Variants in COL24A1 observed in about 807,000 individuals in gnomAD.
COL24A1 encodes the protein collagen type XXIV alpha 1 chain.
COL24A1 carries 224 observed loss-of-function variants against 253.9 expected under a neutral mutation model. The observed-to-expected ratio is 0.88, with a 90% CI of 0.79 to 0.99. The LOEUF is 0.99. Ranked by LOEUF, COL24A1 falls within the 50% of genes least tolerant of loss-of-function variation. The pLI, the probability that COL24A1 is intolerant of heterozygous loss-of-function variation, is 0.00. For missense variants in COL24A1, 2,131 were observed against 2,068.5 expected (o/e 1.03, Z -0.59); for synonymous variants, 685 against 673.7 (o/e 1.02, Z -0.26).
chr1:86,126,165 G>A lies in COL24A1; in HGVS notation c.171C>T (p.His57=). ...ATGGTACAGCAGTCGCTGGTGATGAGTGTCTTACGTCTTTGCCTCCAAGGC... is the reference window on the plus strand; with the variant it reads ...ATGGTACAGCAGTCGCTGGTGATGAATGTCTTACGTCTTTGCCTCCAAGGC... The part of the protein sequence containing the change: ...QLGLGGKDVR[H]SSPATAVPSA... The change falls in exon 3 of 60, where the codon CAC becomes CAT. Residue 57 remains histidine (H), a synonymous_variant. Transcript: ENST00000370571. 1 of 1,607,116 alleles carries A rather than the reference G, an allele frequency of 6.2e-7. No individual in the cohort carries two copies. Among genetic ancestry groups the A allele is most frequent in the Non-Finnish European group, 8.5e-7 (1 of 1,179,516 alleles).
chr1:85,766,336 T>C (rs1158150841), intron 53 of COL24A1, among the ~76,000 whole-genome samples: 1 of 121,398 alleles, frequency 8.2e-6, no homozygotes, highest in Non-Finnish European at 1.6e-5. Flanking sequence ...GCCACTGCAC[T>C]CCAGCCTATG....
chr1:85,885,395 A>ATTTT (rs200199982), intron 32 of COL24A1, among the ~76,000 whole-genome samples: 8 of 120,212 alleles, frequency 6.7e-5, no homozygotes, highest in African/African-American at 1.6e-4. Flanking sequence ...ATATATATAT[A>ATTTT]TATTTTTTTT....
intron 19 of COL24A1, 88 bp from the exon 20 acceptor site, chr1:85,987,742 T>A: frequency 8.9e-7 from 1 of 1,128,924 alleles, no homozygotes; most frequent in Non-Finnish European, 1.3e-6. Context: ...TATTCCTCCA[T>A]ATCCAGTTAA....
At chr1:86,081,839 T>C (rs1414887046) in intron 7 of COL24A1, among the ~76,000 whole-genome samples, 1 of 152,156 alleles carries the variant, frequency 6.6e-6, no homozygotes, top group African/African-American at 2.4e-5. Context: ...CCAAAATATA[T>C]GTATATTGGA....
At chr1:86,111,773 A>G (rs1200295689) in intron 5 of COL24A1, among the ~76,000 whole-genome samples, 1 of 152,178 alleles carries the variant, frequency 6.6e-6, no homozygotes, top group Non-Finnish European at 1.5e-5. Flanking sequence ...CAGCGAGACC[A>G]CGAACCCACC....
chr1:85,890,280 C>A (rs373476517), intron 31 of COL24A1, among the ~76,000 whole-genome samples: 1 of 152,092 alleles, frequency 6.6e-6, no homozygotes, highest in East Asian at 1.9e-4. Flanking sequence ...ACTGATAGAT[C>A]ATATGGTAAT....
chr1:86,119,541 C>T (rs1706507877), intron 3 of COL24A1, among the ~76,000 whole-genome samples: 1 of 152,140 alleles, frequency 6.6e-6, no homozygotes, highest in Non-Finnish European at 1.5e-5. Flanking sequence ...CCCCCTATCA[C>T]TTCTGAGACA....
chr1:85,860,903 T>A (rs1037830324), intron 37 of COL24A1, among the ~76,000 whole-genome samples: 3 of 152,264 alleles, frequency 2.0e-5, no homozygotes, highest in Non-Finnish European at 4.4e-5. Context: ...ATTTATTAAT[T>A]CATCAGGTGA....
At chr1:85,809,770 C>G (rs1391921545) in intron 47 of COL24A1, among the ~76,000 whole-genome samples, 1 of 147,488 alleles carries the variant, frequency 6.8e-6, no homozygotes, top group South Asian at 2.1e-4. Flanking sequence ...TACACACACA[C>G]ATATATATAG....
rs550936254 is a variant in COL24A1, at chr1:86,023,334, T to C, written c.2050-327A>G. Among the ~76,000 whole-genome samples the C allele has an allele frequency of 3.2e-4, 49 of 152,320 alleles. No homozygotes were observed. The South Asian group carries it at 9.7e-3, about 30-fold the overall frequency. ...TAGATGAGACCTTTAAAAAATATTTTAGTGCCATATTCCCAGGAACTAGTC... is the reference window on the plus strand; with the variant it reads ...TAGATGAGACCTTTAAAAAATATTTCAGTGCCATATTCCCAGGAACTAGTC... On this transcript the variant is annotated intron_variant, in intron 14 of 59. Transcript: ENST00000370571.
chr1:85,896,330 A>G, intron 29 of COL24A1, 26 bp downstream of exon 29: 13 of 1,599,284 alleles, frequency 8.1e-6, no homozygotes, highest in Non-Finnish European at 1.1e-5. Context: ...TTAACTACAT[A>G]TGAAATGAGA....
chr1:86,155,578 A>T (rs1342282697), intron 1 of COL24A1: 1 of 152,274 alleles, frequency 6.6e-6, no homozygotes, highest in Non-Finnish European at 1.5e-5. Context: ...ACAGCGCCCA[A>T]AGGGGAGGTG....
intron 24 of COL24A1, among the ~76,000 whole-genome samples, chr1:85,921,710 G>T (rs1571225402): frequency 6.6e-6 from 1 of 152,140 alleles, no homozygotes; most frequent in African/African-American, 2.4e-5. Flanking sequence ...CACAAAGATG[G>T]GGAGAAACCA....
intron 24 of COL24A1, 51 bp from the exon 25 acceptor site, chr1:85,911,484 G>T: frequency 7.3e-7 from 1 of 1,377,196 alleles, no homozygotes; most frequent in Non-Finnish European, 1.0e-6. Flanking sequence ...TATTGCTATT[G>T]TAGTGCCTGG....
At chr1:86,017,388 T>C (rs1241926713) in intron 18 of COL24A1, among the ~76,000 whole-genome samples, 184 bp from the exon 19 acceptor site, 1 of 152,234 alleles carries the variant, frequency 6.6e-6, no homozygotes, top group East Asian at 1.9e-4. Flanking sequence ...ATAAGATGTT[T>C]ATGGGTTTAA....
intron 24 of COL24A1, among the ~76,000 whole-genome samples, chr1:85,925,814 T>C (rs182993894): frequency 5.3e-5 from 8 of 151,954 alleles, no homozygotes; most frequent in African/African-American, 1.5e-4. Context: ...AAAGCCAAAA[T>C]AGACAAATGG....
At chr1:85,917,235 ATAATC>A (rs1234436706) in intron 24 of COL24A1, among the ~76,000 whole-genome samples, 1 of 152,228 alleles carries the variant, frequency 6.6e-6, no homozygotes, top group Non-Finnish European at 1.5e-5. Context: ...AACGCATACA[ATAATC>A]TAATTTCTTA....
rs17128242 is a variant in COL24A1, at chr1:85,761,643, A to G, written c.4375-77T>C. On this transcript the variant is annotated intron_variant, in intron 53 of 59. Coordinates refer to ENST00000370571, the MANE Select transcript of COL24A1 (RefSeq NM_152890.7). Reference sequence around the variant, plus strand: ...GTATAAGCAAGATAACTAATATTCAACCTCTGTAACTGCCTTTCGTGCCAG... The same window carrying G: ...GTATAAGCAAGATAACTAATATTCAGCCTCTGTAACTGCCTTTCGTGCCAG... The G allele has an allele frequency of 9.1e-3, 12,817 of 1,409,208 alleles. 608 individuals carry two copies. In the Admixed American group the frequency reaches 0.11, roughly 12 times the overall value. The allele number at this position is 1,409,208 out of a possible 1,614,324, so 87.3% of individuals were successfully genotyped here.
intron 32 of COL24A1, 118 bp from the exon 33 acceptor site, chr1:85,877,293 A>T: frequency 1.5e-6 from 1 of 645,502 alleles, no homozygotes; most frequent in Non-Finnish European, 2.5e-6. Flanking sequence ...GTAAATACAT[A>T]ATACATTTAT....
Sources: gnomAD v4.1 joint callset for allele counts (sites outside exome capture counted in the v4.1 genomes callset) on GRCh38, gnomAD v4.1.1 for gene constraint, MANE v1.5 for transcripts, NCBI Gene and HGNC (gene_info 2026-07-23, HGNC 2026-07-21) for gene names.